The following NAALADL2 variants were observed in gnomAD, a reference collection of about 807,000 sequenced individuals.
The protein encoded by NAALADL2 is inactive N-acetylated-alpha-linked acidic dipeptidase-like protein 2.
In NAALADL2, 76 loss-of-function variants were observed where a neutral mutation model predicts 87.2. The ratio of observed to expected loss-of-function variants is 0.87; its 90% CI spans 0.72 to 1.05. NAALADL2 has a LOEUF of 1.05. Among genes scored for constraint, NAALADL2 ranks in the 50% least tolerant of loss-of-function variants. The probability of loss-of-function intolerance (pLI) is 0.00; values close to 1 mark genes in which losing one functional copy is unlikely to be tolerated. For missense variants in NAALADL2, 1,089 were observed against 945.8 expected (o/e 1.15, Z -1.99); for synonymous variants, 354 against 331.0 (o/e 1.07, Z -0.75).
At position 175,642,751 on chromosome 3, in the gene NAALADL2, C is replaced by T. The variant is rs187732911; in HGVS notation, c.1896+15365C>T. Among the ~76,000 whole-genome samples, 1,225 of 152,252 alleles carry T rather than the reference C, an allele frequency of 8.0e-3. 14 individuals carry two copies. Among genetic ancestry groups the T allele is most frequent in the African/African-American group, 0.029 (1,193 of 41,558 alleles). ...TCCTGACCTCGTGATCCTCCCGCCT[C>T]GGCTTCCCAAAGTGCTGGGATTACA... On this transcript the variant is annotated intron_variant, in intron 11 of 13. Transcript: ENST00000454872.
intron 1 of NAALADL2, among the ~76,000 whole-genome samples, chr3:175,002,222 C>A (rs1748344933): frequency 6.6e-6 from 1 of 152,108 alleles, no homozygotes; most frequent in Admixed American, 6.5e-5. Context: ...CTTGCAGATA[C>A]CCCTATGGGT....
At chr3:174,706,363 A>G (rs1054591847) in intron 2 of NAALADL2, among the ~76,000 whole-genome samples, 2 of 152,350 alleles carry the variant, frequency 1.3e-5, no homozygotes, top group Admixed American at 6.5e-5. Context: ...GAAGGAAAAC[A>G]TAACAGTAGA....
At chr3:174,976,671 A>G (rs1236115649) in intron 1 of NAALADL2, among the ~76,000 whole-genome samples, 2 of 152,240 alleles carry the variant, frequency 1.3e-5, no homozygotes, top group Non-Finnish European at 2.9e-5. Flanking sequence ...TCTCTGCTTT[A>G]GAGAAACTAC....
rs567878295 is a variant in NAALADL2 at position 175,112,778 on chromosome 3, T to A, written c.545+15487T>A. On this transcript the variant is annotated intron_variant, in intron 2 of 13. Coordinates refer to ENST00000454872, the MANE Select transcript of NAALADL2 (RefSeq NM_207015.3). Reference sequence around the variant, plus strand: ...TAGGAACATACGGTCATATGAGAGTTACATAAATGTCTAAATAACTGTAAT... The same window carrying A: ...TAGGAACATACGGTCATATGAGAGTAACATAAATGTCTAAATAACTGTAAT... Among the ~76,000 whole-genome samples, 34 of 151,816 alleles carry A rather than the reference T, an allele frequency of 2.2e-4. No homozygotes were observed. The South Asian group carries it at 7.0e-3, about 31-fold the overall frequency.
chr3:175,181,426 T>C (rs1328328737), intron 2 of NAALADL2, among the ~76,000 whole-genome samples: 1 of 151,768 alleles, frequency 6.6e-6, no homozygotes, highest in Non-Finnish European at 1.5e-5. Flanking sequence ...TTTATTCCTC[T>C]TGTGTAACTG....
chr3:174,445,001 C>A (rs1714941382), intron 1 of NAALADL2, among the ~76,000 whole-genome samples: 2 of 150,862 alleles, frequency 1.3e-5, no homozygotes, highest in Non-Finnish European at 3.0e-5. Context: ...GAAATGGAAC[C>A]TTGTTTGAGA....
At chr3:174,561,869 A>C (rs1357308024) in intron 2 of NAALADL2, among the ~76,000 whole-genome samples, 1 of 152,222 alleles carries the variant, frequency 6.6e-6, no homozygotes, top group Non-Finnish European at 1.5e-5. Context: ...TTTTCTCTTT[A>C]ATAAGTTGGA....
intron 1 of NAALADL2, among the ~76,000 whole-genome samples, chr3:174,882,988 G>C (rs965559779): frequency 6.6e-6 from 1 of 151,668 alleles, no homozygotes; most frequent in Non-Finnish European, 1.5e-5. Context: ...GCAATAGCCC[G>C]TCTGTAGGCT....
intron 9 of NAALADL2, among the ~76,000 whole-genome samples, chr3:175,501,165 C>T (rs1014782332): frequency 3.9e-5 from 6 of 152,022 alleles, no homozygotes; most frequent in Admixed American, 3.9e-4. Flanking sequence ...GGGCATCAGT[C>T]AGGAGTCCAT....
At chr3:175,146,247 G>A (rs1215866936) in intron 2 of NAALADL2, among the ~76,000 whole-genome samples, 1 of 151,828 alleles carries the variant, frequency 6.6e-6, no homozygotes, top group African/African-American at 2.4e-5. Context: ...TTTATTTTAG[G>A]TAACTACTAG....
chr3:174,606,391 A>G (rs1230598038), intron 2 of NAALADL2, among the ~76,000 whole-genome samples: 6 of 152,220 alleles, frequency 3.9e-5, no homozygotes, highest in Admixed American at 3.9e-4. Context: ...GAGCAAATTC[A>G]AACCAAAGGC....
chr3:174,999,144 A>G (rs1747903762), intron 1 of NAALADL2, among the ~76,000 whole-genome samples: 1 of 152,180 alleles, frequency 6.6e-6, no homozygotes, highest in East Asian at 1.9e-4. Flanking sequence ...TTAGAAGTGG[A>G]ACAAAATAAC....
intron 12 of NAALADL2, among the ~76,000 whole-genome samples, chr3:175,748,442 T>G (rs1189727025): frequency 6.6e-6 from 1 of 152,212 alleles, no homozygotes; most frequent in Middle Eastern, 3.2e-3. Context: ...AAAATAATCT[T>G]CTACTCTTTT....
chr3:174,868,271 T>C (rs1727393131), intron 1 of NAALADL2, among the ~76,000 whole-genome samples: 1 of 152,144 alleles, frequency 6.6e-6, no homozygotes. Flanking sequence ...TTTTACATGA[T>C]TGTTTTAGAT....
chr3:175,221,194 G>A (rs180950388), intron 2 of NAALADL2, among the ~76,000 whole-genome samples: 5,512 of 63,190 alleles, frequency 0.087, 305 homozygotes, highest in African/African-American at 0.23. Context: ...GCAAGACTCC[G>A]TTTTAAAAAA....
At chr3:175,778,392 T>C (rs1750554586) in intron 13 of NAALADL2, among the ~76,000 whole-genome samples, 1 of 152,218 alleles carries the variant, frequency 6.6e-6, no homozygotes, top group Non-Finnish European at 1.5e-5. Flanking sequence ...AGGCATGATA[T>C]GTACTTGGCC....
chr3:175,156,822 T>C (rs566122871), intron 2 of NAALADL2, among the ~76,000 whole-genome samples: 57 of 152,188 alleles, frequency 3.7e-4, no homozygotes, highest in Non-Finnish European at 3.4e-4. Flanking sequence ...TCTAGACCTA[T>C]TGTGTTCAAG....
At chr3:175,476,633 T>C (rs972218449) in intron 9 of NAALADL2, among the ~76,000 whole-genome samples, 2 of 152,200 alleles carry the variant, frequency 1.3e-5, no homozygotes, top group Admixed American at 1.3e-4. Context: ...TCCCATTTTC[T>C]TGCTCAATTG....
chr3:175,411,947 A>T (rs1441110615), intron 5 of NAALADL2, among the ~76,000 whole-genome samples: 6 of 151,986 alleles, frequency 3.9e-5, no homozygotes, highest in Non-Finnish European at 8.8e-5. Context: ...CTAGAGTCAA[A>T]TTATGAGATC....
Sources: allele counts gnomAD v4.1 joint callset (sites outside exome capture counted in the v4.1 genomes callset), GRCh38; gene constraint gnomAD v4.1.1; transcripts MANE v1.5; gene names NCBI Gene and HGNC (gene_info 2026-07-23, HGNC 2026-07-21).